MDGA2: variants seen among roughly 807,000 people sequenced by gnomAD.
The protein encoded by MDGA2 is MAM domain containing glycosylphosphatidylinositol anchor 2.
In MDGA2, 40 loss-of-function variants were observed where a neutral mutation model predicts 117.8. That is an observed-to-expected ratio of 0.34 (90% CI 0.26 to 0.44). The LOEUF is 0.44. Ranked by LOEUF, MDGA2 falls within the 20% of genes least tolerant of loss-of-function variation. MDGA2 has a pLI of 1.00. For missense variants in MDGA2, 1,123 were observed against 1,250.6 expected, an observed-to-expected ratio of 0.90 and a Z score of 1.54; for synonymous variants, 452 against 439.0, an observed-to-expected ratio of 1.03 and a Z score of -0.37.
chr14:47,061,677 C>G, intron 6 of MDGA2, 99 bp from the exon 7 acceptor site: 1 of 986,064 alleles, frequency 1.0e-6, no homozygotes, highest in Non-Finnish European at 1.5e-6. Context: ...TAAAGTAAAA[C>G]CAAATAAAGT....
chr14:46,929,425 T>C (rs1884450043), intron 9 of MDGA2, among the ~76,000 whole-genome samples: 1 of 150,976 alleles, frequency 6.6e-6, no homozygotes, highest in South Asian at 2.1e-4. Flanking sequence ...TGGTACCTCC[T>C]AAATGTGAAT....
chr14:46,990,620 T>C (rs1204841288), intron 8 of MDGA2, among the ~76,000 whole-genome samples: 1 of 152,034 alleles, frequency 6.6e-6, no homozygotes, highest in Admixed American at 6.6e-5. Flanking sequence ...AGTTACACAT[T>C]AGAAAATAGG....
chr14:47,256,937 T>C lies in MDGA2; in HGVS notation c.421-38742A>G, dbSNP rs545477847. On this transcript the variant is annotated intron_variant, in intron 2 of 16. Coordinates refer to ENST00000399232, the MANE Select transcript of MDGA2 (RefSeq NM_001113498.3). ...GAAAAAGAAAGAGGAATGAAGGAAG[T>C]GAGGAATGGAAGAAAGGGAAAGAAA... Among the ~76,000 whole-genome samples, 23 of 116,022 alleles carry C rather than the reference T, an allele frequency of 2.0e-4. No individual in the cohort carries two copies. The South Asian group carries it at 5.8e-3, about 29-fold the overall frequency. 76.1% of individuals were successfully genotyped at this position (116,022 alleles called of 152,430 possible).
At chr14:47,321,167 ACACACATG>A (rs1889968142) in intron 1 of MDGA2, among the ~76,000 whole-genome samples, 1 of 152,174 alleles carries the variant, frequency 6.6e-6, no homozygotes, top group Non-Finnish European at 1.5e-5. Flanking sequence ...GAGAGTGGAA[ACACACATG>A]CACACACACA....
At chr14:47,533,570 G>A (rs1050821747) in intron 1 of MDGA2, among the ~76,000 whole-genome samples, 1 of 152,162 alleles carries the variant, frequency 6.6e-6, no homozygotes, top group Non-Finnish European at 1.5e-5. Flanking sequence ...ACACACATAT[G>A]GAGAAGGCTC....
At chr14:47,640,915 G>A (rs1042966128) in intron 1 of MDGA2, among the ~76,000 whole-genome samples, 1 of 152,030 alleles carries the variant, frequency 6.6e-6, no homozygotes, top group Non-Finnish European at 1.5e-5. Context: ...TTCACAGCTA[G>A]TACTATAGAG....
chr14:46,866,583 C>G (rs1467003641), intron 14 of MDGA2, among the ~76,000 whole-genome samples: 1 of 151,892 alleles, frequency 6.6e-6, no homozygotes, highest in Non-Finnish European at 1.5e-5. Context: ...GCAGAAGAAA[C>G]TACCACCAGA....
intron 8 of MDGA2, among the ~76,000 whole-genome samples, chr14:46,996,295 A>G (rs1045461029): frequency 1.3e-5 from 2 of 152,178 alleles, no homozygotes; most frequent in Non-Finnish European, 2.9e-5. Context: ...AACCAGTGAA[A>G]GGTAGACTGC....
At chr14:47,118,612 G>A (rs1368195040) in intron 5 of MDGA2, among the ~76,000 whole-genome samples, 1 of 152,080 alleles carries the variant, frequency 6.6e-6, no homozygotes, top group African/African-American at 2.4e-5. Context: ...AATACCATTT[G>A]TTTTCAATAT....
intron 1 of MDGA2, among the ~76,000 whole-genome samples, chr14:47,339,263 T>C (rs1383104524): frequency 6.6e-6 from 1 of 152,178 alleles, no homozygotes; most frequent in Admixed American, 6.6e-5. Flanking sequence ...ATTAGTAATA[T>C]TTTATTTGCA....
chr14:47,460,870 A>C (rs970963219), intron 1 of MDGA2, among the ~76,000 whole-genome samples: 4 of 152,218 alleles, frequency 2.6e-5, no homozygotes, highest in Admixed American at 2.6e-4. Flanking sequence ...AGACAGCTCA[A>C]GCCTGAGAGC....
chr14:47,181,316 G>A (rs542782815), intron 3 of MDGA2, among the ~76,000 whole-genome samples: 2 of 152,158 alleles, frequency 1.3e-5, no homozygotes, highest in Admixed American at 1.3e-4. Context: ...TCCTATTTAT[G>A]AGTGAGAACA....
At chr14:47,248,751 G>A (rs770840423) in intron 2 of MDGA2, among the ~76,000 whole-genome samples, 1 of 152,012 alleles carries the variant, frequency 6.6e-6, no homozygotes, top group Non-Finnish European at 1.5e-5. Flanking sequence ...AAAAGCAACG[G>A]AGTATTAGGT....
chr14:46,961,223 G>C (rs1460700359), intron 8 of MDGA2, among the ~76,000 whole-genome samples: 1 of 152,012 alleles, frequency 6.6e-6, no homozygotes, highest in East Asian at 1.9e-4. Context: ...AATTTGTTGG[G>C]CTTCTTAGAT....
intron 1 of MDGA2, among the ~76,000 whole-genome samples, chr14:47,672,924 C>T (rs2138322154): frequency 1.3e-5 from 2 of 152,258 alleles, no homozygotes; most frequent in Admixed American, 1.3e-4. Context: ...TTGAGGTCTG[C>T]CAGGAGACTC....
intron 1 of MDGA2, among the ~76,000 whole-genome samples, chr14:47,652,269 T>C (rs566787560): frequency 6.6e-5 from 10 of 152,334 alleles, no homozygotes; most frequent in Non-Finnish European, 1.5e-4. Flanking sequence ...GAAGTTATTT[T>C]GGAATAAAGA....
chr14:46,980,048 T>C (rs1228042991), intron 8 of MDGA2, among the ~76,000 whole-genome samples: 1 of 152,184 alleles, frequency 6.6e-6, no homozygotes, highest in Non-Finnish European at 1.5e-5. Flanking sequence ...GTAGCTGGTT[T>C]AAGTGCATTA....
chr14:47,189,340 T>G (rs1885026964), intron 3 of MDGA2, among the ~76,000 whole-genome samples: 1 of 152,182 alleles, frequency 6.6e-6, no homozygotes, highest in South Asian at 2.1e-4. Flanking sequence ...GCCATCATGT[T>G]GCTCTTTTGT....
intron 1 of MDGA2, among the ~76,000 whole-genome samples, chr14:47,603,773 G>A (rs1306471286): frequency 6.6e-6 from 1 of 152,168 alleles, no homozygotes; most frequent in Admixed American, 6.5e-5. Flanking sequence ...TGGAGGCAGG[G>A]CCGGGTGAGG....
Sources: gnomAD v4.1 joint callset for allele counts (sites outside exome capture counted in the v4.1 genomes callset) on GRCh38, gnomAD v4.1.1 for gene constraint, MANE v1.5 for transcripts, NCBI Gene and HGNC (gene_info 2026-07-23, HGNC 2026-07-21) for gene names.